MBOAT2: variants seen among roughly 807,000 people sequenced by gnomAD.
MBOAT2 encodes membrane-bound glycerophospholipid O-acyltransferase 2.
Under a neutral mutation model 63.4 loss-of-function variants are expected in MBOAT2, and 28 were observed. The observed-to-expected ratio is 0.44, with a 90% CI of 0.33 to 0.61. The LOEUF is 0.61. MBOAT2 is among the 20% of genes least tolerant of loss of function. The pLI is 0.03. For synonymous variants in MBOAT2, 211 were observed against 215.6 expected, an observed-to-expected ratio of 0.98 and a Z score of 0.19; for missense variants, 470 against 605.8, an observed-to-expected ratio of 0.78 and a Z score of 2.35.
chr2:8,861,697 G>C (rs1054316535), intron 11 of MBOAT2, among the ~76,000 whole-genome samples: 1 of 152,064 alleles, frequency 6.6e-6, no homozygotes, highest in African/African-American at 2.4e-5. Flanking sequence ...CCTTCCTAAT[G>C]GGGCCATCTC....
chr2:8,953,332 T>G (rs1668975783), intron 2 of MBOAT2, among the ~76,000 whole-genome samples: 1 of 152,238 alleles, frequency 6.6e-6, no homozygotes, highest in African/African-American at 2.4e-5. Flanking sequence ...GTTCCCTTTG[T>G]ATATAACTTG....
intron 5 of MBOAT2, 81 bp downstream of exon 5, chr2:8,887,935 CAG>C: frequency 8.0e-7 from 1 of 1,252,976 alleles, no homozygotes; most frequent in East Asian, 2.3e-5. Context: ...ACTCTAATAG[CAG>C]AAAGTTATGG....
intron 3 of MBOAT2, among the ~76,000 whole-genome samples, chr2:8,927,342 T>C (rs1442772572): frequency 2.6e-5 from 4 of 152,176 alleles, no homozygotes; most frequent in Non-Finnish European, 5.9e-5. Flanking sequence ...CATTATACAT[T>C]CATATTGTCT....
At chr2:8,881,971 T>G (rs34646141) in intron 6 of MBOAT2, among the ~76,000 whole-genome samples, 2,630 of 152,320 alleles carry the variant, frequency 0.017, 23 homozygotes, top group Non-Finnish European at 0.027. Context: ...AATTAAGCCA[T>G]TCCTTAGATT....
intron 1 of MBOAT2, among the ~76,000 whole-genome samples, chr2:8,985,092 A>G (rs1249524222): frequency 6.6e-6 from 1 of 152,170 alleles, no homozygotes; most frequent in Non-Finnish European, 1.5e-5. Context: ...GGGAAAAAAA[A>G]AACTAAAATG....
At chr2:8,904,058 C>T (rs987719787) in intron 4 of MBOAT2, among the ~76,000 whole-genome samples, 4 of 151,988 alleles carry the variant, frequency 2.6e-5, no homozygotes, top group Non-Finnish European at 5.9e-5. Context: ...CTCACTGCAA[C>T]CTCCACCTCC....
intron 2 of MBOAT2, among the ~76,000 whole-genome samples, chr2:8,952,184 C>T (rs1668883131): frequency 6.6e-6 from 1 of 152,162 alleles, no homozygotes; most frequent in Admixed American, 6.5e-5. Flanking sequence ...TTATCCGAAG[C>T]AATTCAGGAG....
chr2:8,947,221 C>T lies in MBOAT2; in HGVS notation c.222-3957G>A, dbSNP rs76066832. Among the ~76,000 whole-genome samples the T allele has an allele frequency of 6.9e-3, 1,049 of 152,358 alleles. 19 individuals carry two copies. The highest frequency in any genetic ancestry group is 0.024 in the African/African-American group (1,005 of 41,568). Reference sequence around the variant, plus strand: ...AGCCTAGTCCAGATCAAGACCCTAACTCTCTTCAATTCTAGTAGGGTGGAG... The same window carrying T: ...AGCCTAGTCCAGATCAAGACCCTAATTCTCTTCAATTCTAGTAGGGTGGAG... On this transcript the variant is annotated intron_variant, in intron 2 of 12. Coordinates refer to ENST00000305997, the MANE Select transcript of MBOAT2 (RefSeq NM_138799.4).
intron 3 of MBOAT2, among the ~76,000 whole-genome samples, chr2:8,921,438 T>A (rs867961247): frequency 6.6e-6 from 1 of 152,194 alleles, no homozygotes; most frequent in African/African-American, 2.4e-5. Context: ...AATACAGTAT[T>A]ATAATTATTG....
intron 5 of MBOAT2, among the ~76,000 whole-genome samples, chr2:8,883,650 C>A (rs1313398962): frequency 6.6e-6 from 1 of 152,076 alleles, no homozygotes; most frequent in Non-Finnish European, 1.5e-5. Flanking sequence ...AAATGAGGTA[C>A]CAAGAGGAAC....
Position 8,868,551 on chromosome 2 carries a change from T to C in MBOAT2, c.884-2A>G. 6.2e-7 allele frequency: 1 copy of C among 1,609,144 alleles called. No individual in the cohort carries two copies. Among genetic ancestry groups the C allele is most frequent in the Non-Finnish European group, 8.5e-7 (1 of 1,177,574 alleles). Reference sequence around the variant, plus strand: ...CTGCAGCATTATTAATGGCATCAGCTATAGAAAACAACATTAGAAAAAAGT... The same window carrying C: ...CTGCAGCATTATTAATGGCATCAGCCATAGAAAACAACATTAGAAAAAAGT... On this transcript the variant is annotated splice_acceptor_variant, in intron 8 of 12. Transcript: ENST00000305997. LOFTEE classifies it high-confidence loss of function.
intron 1 of MBOAT2, among the ~76,000 whole-genome samples, chr2:8,965,371 G>A (rs62119983): frequency 0.049 from 7,450 of 152,152 alleles, 183 homozygotes; most frequent in Middle Eastern, 0.058. Flanking sequence ...GCTCATGTGA[G>A]ATCAGTGTTA....
chr2:8,870,020 GC>G (rs1358962110), intron 8 of MBOAT2, among the ~76,000 whole-genome samples: 3 of 152,202 alleles, frequency 2.0e-5, no homozygotes, highest in East Asian at 3.9e-4. Flanking sequence ...ATGTTCCCCT[GC>G]CCCCCAGTCT....
chr2:8,885,448 A>T (rs1009945172), intron 5 of MBOAT2, among the ~76,000 whole-genome samples: 2 of 152,226 alleles, frequency 1.3e-5, no homozygotes, highest in African/African-American at 4.8e-5. Context: ...CAAAACCCGA[A>T]TAAATCCAAA....
Position 8,877,274 on chromosome 2 carries a change from A to G in MBOAT2, c.507-61T>C, listed in dbSNP as rs535992600. Reference sequence around the variant, plus strand: ...CATAAGCTTCAGAACATCTGATAGAATAACGATCCACCTCACTGCTCTCCA... The same window carrying G: ...CATAAGCTTCAGAACATCTGATAGAGTAACGATCCACCTCACTGCTCTCCA... On this transcript the variant is annotated intron_variant, in intron 6 of 12. Coordinates refer to ENST00000305997, the MANE Select transcript of MBOAT2 (RefSeq NM_138799.4). 30 of 1,473,028 alleles carry G rather than the reference A, an allele frequency of 2.0e-5. No homozygotes were observed. In the African/African-American group the frequency reaches 3.5e-4, roughly 17 times the overall value. 91.2% of individuals were successfully genotyped at this position (1,473,028 alleles called of 1,614,324 possible).
chr2:8,974,549 A>G, intron 1 of MBOAT2: 1 of 392,966 alleles, frequency 2.5e-6, no homozygotes, highest in Non-Finnish European at 5.2e-6. Flanking sequence ...CTGTATTTCC[A>G]AGAGGTAACA....
At chr2:8,888,479 C>G (rs112239000) in intron 4 of MBOAT2, among the ~76,000 whole-genome samples, 15 of 152,148 alleles carry the variant, frequency 9.9e-5, no homozygotes, top group Non-Finnish European at 2.1e-4. Context: ...GACAGACTCT[C>G]AACTCCCTAT....
intron 5 of MBOAT2, among the ~76,000 whole-genome samples, chr2:8,886,977 A>C (rs926330789): frequency 1.3e-5 from 2 of 152,216 alleles, no homozygotes; most frequent in African/African-American, 4.8e-5. Flanking sequence ...CAAGAACTAC[A>C]AGACACTGTG....
chr2:8,957,257 C>T (rs1669294102), intron 2 of MBOAT2, among the ~76,000 whole-genome samples: 1 of 152,066 alleles, frequency 6.6e-6, no homozygotes, highest in Admixed American at 6.5e-5. Context: ...TACACTACTC[C>T]ATGGCATGAT....
Sources: gnomAD v4.1 joint callset for allele counts (sites outside exome capture counted in the v4.1 genomes callset) on GRCh38, gnomAD v4.1.1 for gene constraint, MANE v1.5 for transcripts, NCBI Gene and HGNC (gene_info 2026-07-23, HGNC 2026-07-21) for gene names.